The following PCNT variants were observed in gnomAD, a reference collection of about 807,000 sequenced individuals.
PCNT encodes the protein kendrin.
In PCNT, 319 loss-of-function variants were observed where a neutral mutation model predicts 380.4. The observed-to-expected ratio is 0.84, with a 90% CI of 0.77 to 0.92. The LOEUF (loss-of-function observed/expected upper bound fraction) is 0.92. PCNT is among the 40% of genes least tolerant of loss of function. The pLI is 0.00. For missense variants in PCNT, 4,400 were observed against 4,255.3 expected, an observed-to-expected ratio of 1.03 and a Z score of -0.95; for synonymous variants, 1,845 against 1,735.2, an observed-to-expected ratio of 1.06 and a Z score of -1.57.
chr21:46,399,897 C>G (rs947261448), intron 25 of PCNT, 101 bp downstream of exon 25: 5 of 962,258 alleles, frequency 5.2e-6, no homozygotes, highest in Non-Finnish European at 8.5e-6. Flanking sequence ...TCCTTCTTCA[C>G]TGGCAGCCAC....
chr21:46,400,512 CTT>C (rs1215264897), intron 25 of PCNT, among the ~76,000 whole-genome samples: 939 of 84,536 alleles, frequency 0.011, 2 homozygotes, highest in African/African-American at 0.015. Flanking sequence ...GTGTCTGATT[CTT>C]TTTTTTTTTT....
intron 15 of PCNT, among the ~76,000 whole-genome samples, chr21:46,371,489 A>G (rs2085125528): frequency 6.6e-6 from 1 of 152,130 alleles, no homozygotes; most frequent in Admixed American, 6.5e-5. Context: ...GCACCTGGCC[A>G]GTGTAGTTAC....
intron 22 of PCNT, 21 bp downstream of exon 22, chr21:46,397,515 A>T (rs747867317): frequency 6.3e-7 from 1 of 1,588,230 alleles, no homozygotes; most frequent in Non-Finnish European, 8.6e-7. Flanking sequence ...TGAATAATAC[A>T]TTTTTTTGCA....
chr21:46,418,954 C>T (rs16979185), intron 31 of PCNT, among the ~76,000 whole-genome samples: 19,693 of 152,200 alleles, frequency 0.13, 3,580 homozygotes, highest in African/African-American at 0.41. Flanking sequence ...GTGGGAGATG[C>T]GGAGACTGAG....
At position 46,402,291 on chromosome 21, in the gene PCNT, G is replaced by C. The variant is rs760182242; in HGVS notation, c.4963-40G>C. On this transcript the variant is annotated intron_variant, in intron 26 of 46. Transcript: ENST00000359568. ...AATTATTAATATTAATAGAATATTA[G>C]ATGACTTTTAATACTTTTCTTCTTT... 7 of 1,352,628 alleles carry C rather than the reference G, an allele frequency of 5.2e-6. No homozygotes were observed. In the South Asian group the frequency reaches 8.7e-5, roughly 17 times the overall value. The allele number at this position is 1,352,628 out of a possible 1,614,324, so 83.8% of individuals were successfully genotyped here.
chr21:46,381,174 CAAAAAAAA>C (rs34108721), intron 15 of PCNT, among the ~76,000 whole-genome samples: 2 of 96,000 alleles, frequency 2.1e-5, no homozygotes, highest in Non-Finnish European at 4.3e-5. Flanking sequence ...AGAGTCCTTC[CAAAAAAAA>C]AAAAAAAAAA....
intron 32 of PCNT, among the ~76,000 whole-genome samples, chr21:46,423,839 GA>G (rs2087374700): frequency 7.7e-6 from 1 of 130,320 alleles, no homozygotes; most frequent in Non-Finnish European, 1.6e-5. Context: ...AGGGGGAGGG[GA>G]GAGGGGAGGA....
chr21:46,385,689 G>A, intron 16 of PCNT, 143 bp from the exon 17 acceptor site: 1 of 880,214 alleles, frequency 1.1e-6, no homozygotes. Context: ...GTGCCGAAGT[G>A]CCTGCTCCTT....
rs775779788 is a variant in PCNT at position 46,411,353 on chromosome 21, G to A, written c.5280G>A (p.Val1760=). 17 of 1,614,062 alleles carry A rather than the reference G, an allele frequency of 1.1e-5. No homozygotes were observed. In the Admixed American group the frequency reaches 2.8e-4, roughly 27 times the overall value. Reference sequence around the variant, plus strand: ...AGCTGTCCCTCATGGGGCCTGTGGTGCACGAAGTCAGCGACAGTCAGGCTG... The same window carrying A: ...AGCTGTCCCTCATGGGGCCTGTGGTACACGAAGTCAGCGACAGTCAGGCTG... ...QHELSLMGPV[V]HEVSDSQAGS... is the part of the protein sequence containing the mutation. The change falls in exon 28 of 47, where the codon GTG becomes GTA. Residue 1760 remains valine, a synonymous_variant. Transcript: ENST00000359568.
intron 38 of PCNT, among the ~76,000 whole-genome samples, chr21:46,433,665 T>TA (rs1243953470): frequency 6.6e-6 from 1 of 152,040 alleles, no homozygotes; most frequent in Admixed American, 6.5e-5. Context: ...GATTGTTTCT[T>TA]AAAAAAAATA....
At chr21:46,403,605 T>C (rs1265015986) in intron 27 of PCNT, among the ~76,000 whole-genome samples, 1 of 117,130 alleles carries the variant, frequency 8.5e-6, no homozygotes, top group Admixed American at 9.4e-5. Context: ...GAACACAGCG[T>C]GGGAGAATCG....
At chr21:46,380,709 C>G (rs2085502521) in intron 15 of PCNT, among the ~76,000 whole-genome samples, 1 of 152,140 alleles carries the variant, frequency 6.6e-6, no homozygotes, top group Non-Finnish European at 1.5e-5. Flanking sequence ...CATAAACACT[C>G]TTCGGATGAT....
At chr21:46,390,089 C>T (rs961311985) in intron 19 of PCNT, among the ~76,000 whole-genome samples, 2 of 152,258 alleles carry the variant, frequency 1.3e-5, no homozygotes. Context: ...CTCAGCCTGG[C>T]CGTGGACGGC....
chr21:46,345,454 G>A (rs1457582775), intron 3 of PCNT, among the ~76,000 whole-genome samples: 1 of 152,144 alleles, frequency 6.6e-6, no homozygotes, highest in African/African-American at 2.4e-5. Flanking sequence ...CTGACCTCAG[G>A]TAATCTGCCT....
intron 11 of PCNT, among the ~76,000 whole-genome samples, chr21:46,355,081 G>A (rs1393934483): frequency 6.6e-6 from 1 of 152,202 alleles, no homozygotes; most frequent in Non-Finnish European, 1.5e-5. Flanking sequence ...GGCCTTGAGA[G>A]CCCAGCCCTG....
chr21:46,435,214 G>GT lies in PCNT; in HGVS notation c.8752-682dup, dbSNP rs1019348281. On this transcript the variant is annotated intron_variant, in intron 38 of 46. Transcript: ENST00000359568. ...TTTGGGCTTTTGCTTGGCAGTTGTT[G>GT]TTTTTTTTGTTTTGGTTTGGTTTTT... Among the ~76,000 whole-genome samples the GT allele has an allele frequency of 7.2e-5, 11 of 151,784 alleles. No homozygotes were observed. In the South Asian group the frequency reaches 8.4e-4, roughly 12 times the overall value.
intron 3 of PCNT, among the ~76,000 whole-genome samples, chr21:46,338,981 C>G (rs2083838418): frequency 6.6e-6 from 1 of 152,150 alleles, no homozygotes; most frequent in South Asian, 2.1e-4. Context: ...GGGGTTTCAC[C>G]ATGTTGGCCA....
rs2148032783 is a variant in PCNT, at chr21:46,436,077, G to A, written c.8925G>A (p.Leu2975=). ...ADHLREQQRE[L]EAMRQRLLSA... is the part of the protein sequence containing the mutation. Reference sequence around the variant, plus strand: ...ACCTCCGGGAACAGCAGCGAGAGCTGGAGGCGATGAGGCAGCGGCTGCTCT... The same window carrying A: ...ACCTCCGGGAACAGCAGCGAGAGCTAGAGGCGATGAGGCAGCGGCTGCTCT... The change falls in exon 39 of 47, where the codon CTG becomes CTA. Residue 2975 remains leucine, a synonymous_variant. Transcript: ENST00000359568. The A allele has an allele frequency of 6.2e-7, 1 of 1,613,060 alleles. No homozygotes were observed.
intron 13 of PCNT, among the ~76,000 whole-genome samples, chr21:46,363,181 C>G (rs557802293): frequency 2.6e-4 from 39 of 152,316 alleles, no homozygotes; most frequent in African/African-American, 9.1e-4. Context: ...GCTGCCTTTG[C>G]TCGGCTGATG....
Sources: allele counts gnomAD v4.1 joint callset (sites outside exome capture counted in the v4.1 genomes callset), GRCh38; gene constraint gnomAD v4.1.1; transcripts MANE v1.5; gene names NCBI Gene and HGNC (gene_info 2026-07-23, HGNC 2026-07-21).